The following POMGNT1 variants were observed in gnomAD, a reference collection of about 807,000 sequenced individuals.
The protein encoded by POMGNT1 is protein O-linked mannose N-acetylglucosaminyltransferase 1 (beta 1,2-).
POMGNT1 carries 67 observed loss-of-function variants against 95.6 expected under a neutral mutation model. That is an observed-to-expected ratio of 0.70 (90% CI 0.58 to 0.86). The LOEUF is 0.86. Among genes scored for constraint, POMGNT1 ranks in the 40% least tolerant of loss-of-function variants. The pLI, the probability that POMGNT1 is intolerant of heterozygous loss-of-function variation, is 0.00. For synonymous variants in POMGNT1, 298 were observed against 317.9 expected (o/e 0.94, Z 0.66); for missense variants, 719 against 855.2 (o/e 0.84, Z 1.99).
At chr1:46,197,321 ATTC>A in intron 2 of POMGNT1, 6 of 1,483,796 alleles carry the variant, frequency 4.0e-6, no homozygotes, top group Non-Finnish European at 3.6e-6. Context: ...GTGCTCCTGT[ATTC>A]TTCTATTTGA....
upstream of POMGNT1, among the ~76,000 whole-genome samples, chr1:46,202,604 A>AT (rs1658565263): frequency 6.8e-6 from 1 of 147,252 alleles, no homozygotes; most frequent in Admixed American, 7.0e-5. Context: ...CAGAGGCAGG[A>AT]GAATTGCTTG....
chr1:46,194,962 C>T lies in POMGNT1; in HGVS notation c.535-1G>A. ...CCTTGAGGTGGAAGGAGCCCTCATC[C>T]TGGGGGACCAGAGAAGGCAGTTAGC... is the stretch of plus-strand genomic sequence containing the variant. On this transcript the variant is annotated splice_acceptor_variant, in intron 6 of 21. Coordinates refer to ENST00000371984, the MANE Select transcript of POMGNT1 (RefSeq NM_017739.4). LOFTEE classifies it high-confidence loss of function. 1.2e-6 allele frequency: 2 copies of T among 1,614,036 alleles called. No individual in the cohort carries two copies. The highest frequency in any genetic ancestry group is 1.7e-6 in the Non-Finnish European group (2 of 1,180,002).
At position 46,192,966 on chromosome 1, in the gene POMGNT1, G is replaced by A. The variant is rs1557672738; in HGVS notation, c.1153-8C>T. On this transcript the variant is annotated splice_region_variant and splice_polypyrimidine_tract_variant and intron_variant, in intron 13 of 21. Transcript: ENST00000371984. Reference sequence around the variant, plus strand: ...CACAGCAAACTTGGCCTCCTAGAAGGGGAATGGGACATCATGGTCCCAAAG... The same window carrying A: ...CACAGCAAACTTGGCCTCCTAGAAGAGGAATGGGACATCATGGTCCCAAAG... 1 of 1,614,144 alleles carries A rather than the reference G, an allele frequency of 6.2e-7. No individual in the cohort carries two copies. Among genetic ancestry groups the A allele is most frequent in the Non-Finnish European group, 8.5e-7 (1 of 1,180,020 alleles).
intron 1 of POMGNT1, among the ~76,000 whole-genome samples, chr1:46,208,012 C>T (rs1382841735): frequency 1.3e-5 from 2 of 151,842 alleles, no homozygotes; most frequent in Non-Finnish European, 2.9e-5. Flanking sequence ...GGATTACAGG[C>T]ACCCGCCTAG....
At chr1:46,213,617 G>A (rs1658972190) in intron 1 of POMGNT1, among the ~76,000 whole-genome samples, 1 of 152,078 alleles carries the variant, frequency 6.6e-6, no homozygotes. Flanking sequence ...ACAGCACTCT[G>A]GGAGGCTGAG....
intron 6 of POMGNT1, 64 bp from the exon 7 acceptor site, chr1:46,195,025 G>A (rs1658118401): frequency 4.2e-6 from 6 of 1,444,034 alleles, no homozygotes; most frequent in South Asian, 3.4e-5. Flanking sequence ...GCCTCACAGA[G>A]CACGAACTAT....
At chr1:46,190,133 C>G in intron 19 of POMGNT1, 144 bp from the exon 20 acceptor site, 1 of 1,013,370 alleles carries the variant, frequency 9.9e-7, no homozygotes, top group Non-Finnish European at 1.4e-6. Context: ...GAGTCTTGCT[C>G]TGTCGCCCAG....
chr1:46,212,745 T>G (rs977925212), intron 1 of POMGNT1, among the ~76,000 whole-genome samples: 35 of 151,826 alleles, frequency 2.3e-4, no homozygotes, highest in Non-Finnish European at 2.8e-4. Context: ...CTTGGCTAAT[T>G]TTTTATTTTA....
chr1:46,217,890 TTA>T (rs1172480769), intron 1 of POMGNT1, among the ~76,000 whole-genome samples: 4 of 151,950 alleles, frequency 2.6e-5, no homozygotes, highest in African/African-American at 9.7e-5. Flanking sequence ...GTCCCTAATC[TTA>T]TATAGTGTGG....
chr1:46,190,432 C>A (rs767066048), intron 19 of POMGNT1, 41 bp downstream of exon 19: 4 of 1,541,702 alleles, frequency 2.6e-6, no homozygotes, highest in Non-Finnish European at 2.7e-6. Context: ...CAGTATTTGA[C>A]TCTTTGCTCC....
chr1:46,193,068 G>A, intron 13 of POMGNT1, 106 bp downstream of exon 13: 1 of 1,603,410 alleles, frequency 6.2e-7, no homozygotes, highest in Non-Finnish European at 8.5e-7. Context: ...TTCCAGATGT[G>A]AAGGATGAGG....
chr1:46,197,887 G>A lies in POMGNT1; in HGVS notation c.-50-16C>T. ...CTTCAGGAATCTGAAGGGACCAGAG[G>A]GCCACATGGGGTAAGATGCTCCTCC... On this transcript the variant is annotated splice_polypyrimidine_tract_variant and intron_variant, in intron 1 of 21. Transcript: ENST00000371984. The A allele has an allele frequency of 2.5e-6, 4 of 1,608,710 alleles. No individual in the cohort carries two copies. Among genetic ancestry groups the A allele is most frequent in the Non-Finnish European group, 3.4e-6 (4 of 1,177,916 alleles).
intron 1 of POMGNT1, chr1:46,203,568 G>A: frequency 6.4e-7 from 1 of 1,574,112 alleles, no homozygotes; most frequent in South Asian, 1.2e-5. Context: ...GCTCCCAGGG[G>A]CGTCTAGCAC....
At position 46,194,343 on chromosome 1, in the gene POMGNT1, G is replaced by T; in HGVS notation, c.810C>A (p.Ser270Arg). The change falls in exon 9 of 22, where the codon AGC (serine) becomes AGA (arginine). Residue 270 changes from serine to arginine, a missense_variant. Ser to Arg is a moderately radical substitution (Grantham distance 110). Transcript: ENST00000371984. ...ELNRRRRRFC[S>R]KVEGYGSVCS... Reference sequence around the variant, plus strand: ...ATACACTTCCATAGCCCTCAACTTTGCTGCAGAAGCGCCGGCGGCGACGGT... The same window carrying T: ...ATACACTTCCATAGCCCTCAACTTTTCTGCAGAAGCGCCGGCGGCGACGGT... The T allele has an allele frequency of 3.1e-6, 5 of 1,614,220 alleles. No homozygotes were observed. The highest frequency in any genetic ancestry group is 4.2e-6 in the Non-Finnish European group (5 of 1,180,050).
Position 46,188,946 on chromosome 1 carries a change from G to A in POMGNT1, c.*324C>T, listed in dbSNP as rs1242690288. On this transcript the variant is annotated 3_prime_UTR_variant, in exon 22 of 22. Transcript: ENST00000371984. ...TTCGGCCTGTTTTCAAGGCCCTCAGGACAGTCAATAAATAGGTTAGATTCT... is the reference window on the plus strand; with the variant it reads ...TTCGGCCTGTTTTCAAGGCCCTCAGAACAGTCAATAAATAGGTTAGATTCT... The A allele has an allele frequency of 1.9e-6, 3 of 1,612,786 alleles. No homozygotes were observed. The highest frequency in any genetic ancestry group is 1.7e-5 in the Admixed American group (1 of 60,024).
At position 46,194,826 on chromosome 1, in the gene POMGNT1, G is replaced by A; in HGVS notation, c.652+18C>T. The A allele has an allele frequency of 6.2e-7, 1 of 1,613,804 alleles. No homozygotes were observed. The highest frequency in any genetic ancestry group is 1.7e-4 in the Middle Eastern group (1 of 6,052). Reference sequence around the variant, plus strand: ...AGGCTCTTGATACTACAGAGTGGATGGCCTCTGATGCCGGCACCTCCTTTT... The same window carrying A: ...AGGCTCTTGATACTACAGAGTGGATAGCCTCTGATGCCGGCACCTCCTTTT... On this transcript the variant is annotated intron_variant, in intron 7 of 21. Transcript: ENST00000371984.
Position 46,194,615 on chromosome 1 carries a change from G to A in POMGNT1, c.689C>T (p.Ala230Val), listed in dbSNP as rs921366442. ...GACTGGGTCCCCCCAGGAAGAGAGG[G>A]CAGGTGATTTAGAATGTTTCTCCCC... ...VFGEKHSKSPALSSWGDPVLL... is the reference protein window; with the variant it reads ...VFGEKHSKSPVLSSWGDPVLL... The change falls in exon 8 of 22, where the codon GCC becomes GTC. Residue 230 changes from alanine (A) to valine (V), a missense_variant. Physicochemically the swap from Ala to Val is moderately conservative, Grantham distance 64. This residue lies in a region of POMGNT1 where 466 missense variants were observed against 517.4 expected (regional missense o/e 0.90). Coordinates refer to ENST00000371984, the MANE Select transcript of POMGNT1 (RefSeq NM_017739.4). The A allele has an allele frequency of 6.2e-7, 1 of 1,614,102 alleles. No homozygotes were observed. The highest frequency in any genetic ancestry group is 1.3e-5 in the African/African-American group (1 of 74,946).
intron 1 of POMGNT1, among the ~76,000 whole-genome samples, chr1:46,216,199 AC>A (rs1298756643): frequency 1.3e-5 from 2 of 151,286 alleles, no homozygotes; most frequent in Non-Finnish European, 1.5e-5. Flanking sequence ...GGCGCCCGCC[AC>A]CTCGCCCAGC....
rs886044567 is a variant in POMGNT1 at position 46,189,540 on chromosome 1, G to A, written c.1813C>T (p.Arg605Cys). The A allele has an allele frequency of 6.2e-6, 10 of 1,612,512 alleles. No homozygotes were observed. Among genetic ancestry groups the A allele is most frequent in the African/African-American group, 2.7e-5 (2 of 74,854 alleles). Residue 605 changes from arginine to cysteine, a missense_variant, in exon 21 of 22, where the codon CGT becomes TGT. Physicochemically the swap from Arg to Cys is radical, Grantham distance 180. Around this residue, in one of 5 missense-constraint regions of POMGNT1, gnomAD observed 130 missense variants for 149.2 expected, o/e 0.87. Transcript: ENST00000371984. ...KCLHIWDLDV[R>C]GNHRGLWRLF... is the part of the protein sequence containing the mutation. ...CTCCACAGGCCCCGATGGTTGCCAC[G>A]CACATCCAGGTCCCAGATATGGAGG... is the stretch of plus-strand genomic sequence containing the variant.
Sources: gnomAD v4.1 joint callset for allele counts (sites outside exome capture counted in the v4.1 genomes callset) on GRCh38, gnomAD v4.1.1 for gene constraint, gnomAD v4.1.1 regional missense constraint, MANE v1.5 for transcripts, NCBI Gene and HGNC (gene_info 2026-07-23, HGNC 2026-07-21) for gene names.